Variants in FOXK1 observed in about 807,000 individuals in gnomAD.
FOXK1 encodes the protein forkhead box K1.
In FOXK1, 19 loss-of-function variants were observed where a neutral mutation model predicts 51.9. That is an observed-to-expected ratio of 0.37 (90% CI 0.26 to 0.54). The LOEUF is 0.54. Ranked by LOEUF, FOXK1 falls within the 20% of genes least tolerant of loss-of-function variation. The pLI, the probability that FOXK1 is intolerant of heterozygous loss-of-function variation, is 0.87. For missense variants in FOXK1, 870 were observed against 1,032.7 expected (o/e 0.84, Z 2.16); for synonymous variants, 537 against 482.6 (o/e 1.11, Z -1.48).
intron 1 of FOXK1, among the ~76,000 whole-genome samples, chr7:4,725,491 G>A (rs894478780): frequency 1.7e-4 from 26 of 152,368 alleles, no homozygotes; most frequent in Non-Finnish European, 2.9e-5. Flanking sequence ...GCAGAGGCCC[G>A]GGGCCAGATG....
At chr7:4,691,320 T>C (rs1779888037) in intron 1 of FOXK1, among the ~76,000 whole-genome samples, 1 of 152,208 alleles carries the variant, frequency 6.6e-6, no homozygotes, top group Non-Finnish European at 1.5e-5. Flanking sequence ...CTAAGAATAC[T>C]TTTCAGGAAG....
chr7:4,727,464 C>T (rs1194545815), intron 1 of FOXK1, among the ~76,000 whole-genome samples: 2 of 152,106 alleles, frequency 1.3e-5, no homozygotes, highest in African/African-American at 4.8e-5. Context: ...TACAGGCATG[C>T]AGCACCACGC....
rs1027110449 is a variant in FOXK1 at position 4,755,992 on chromosome 7, CAT to C, written c.1050+610_1050+611del. ...CATATACTGTTATTCAAACAATCCA[CAT>C]GTCTGAATTGTGGATGGCATTTTAA... On this transcript the variant is annotated intron_variant, in intron 4 of 8. Coordinates refer to ENST00000328914, the MANE Select transcript of FOXK1 (RefSeq NM_001037165.2). The surrounding 1 kb of genome is among the most constrained non-coding windows in gnomAD (Gnocchi z 6.6). 1.2e-4 allele frequency among the ~76,000 whole-genome samples: 19 copies of C among 152,336 alleles called. No homozygotes were observed. Among genetic ancestry groups the C allele is most frequent in the African/African-American group, 4.3e-4 (18 of 41,572 alleles).
At chr7:4,739,483 G>C (rs138067076) in intron 1 of FOXK1, among the ~76,000 whole-genome samples, 364 of 152,290 alleles carry the variant, frequency 2.4e-3, no homozygotes, top group Middle Eastern at 6.8e-3. Flanking sequence ...CATCAGTTTA[G>C]AAATTGAAAG....
intron 1 of FOXK1, among the ~76,000 whole-genome samples, chr7:4,690,132 G>A (rs762099011): frequency 3.9e-5 from 6 of 152,222 alleles, no homozygotes; most frequent in African/African-American, 7.2e-5. Context: ...CATCAGGTCC[G>A]ACTCCTGAGA....
At chr7:4,718,602 G>A (rs1780268333) in intron 1 of FOXK1, among the ~76,000 whole-genome samples, 1 of 152,182 alleles carries the variant, frequency 6.6e-6, no homozygotes, top group Admixed American at 6.5e-5. Context: ...TCCCTCGTCA[G>A]GGTGAGTACC....
intron 1 of FOXK1, among the ~76,000 whole-genome samples, chr7:4,710,266 G>C (rs899221940): frequency 1.3e-5 from 2 of 152,186 alleles, no homozygotes; most frequent in African/African-American, 4.8e-5. Flanking sequence ...TACAGGATAG[G>C]CCAGTGTACT....
At position 4,735,250 on chromosome 7, in the gene FOXK1, C is replaced by G. The variant is rs891971349; in HGVS notation, c.561-5588C>G. 6.6e-6 allele frequency among the ~76,000 whole-genome samples: 1 copy of G among 152,116 alleles called. No homozygotes were observed. The highest frequency in any genetic ancestry group is 1.5e-5 in the Non-Finnish European group (1 of 68,026). On this transcript the variant is annotated intron_variant, in intron 1 of 8. Coordinates refer to ENST00000328914, the MANE Select transcript of FOXK1 (RefSeq NM_001037165.2). This position sits in a 1 kb window ranked among gnomAD's most constrained non-coding sequence, Gnocchi z 4.7. ...CCAAGTCACCAGTTTGGCCCAACTT[C>G]CAGGAGCCATCAGCTTCTGGGTGGA...
rs1432124808 is a variant in FOXK1, at chr7:4,722,376, C to G, written c.561-18462C>G. On this transcript the variant is annotated intron_variant, in intron 1 of 8. Transcript: ENST00000328914. This position sits in a 1 kb window ranked among gnomAD's most constrained non-coding sequence, Gnocchi z 5.1. ...TATGTACTTTGGTCGTTCGTATTTC[C>G]TAGGCTTAAAACCCATTCTCCTGTG... Among the ~76,000 whole-genome samples the G allele has an allele frequency of 1.3e-5, 2 of 152,236 alleles. No homozygotes were observed. Among genetic ancestry groups the G allele is most frequent in the African/African-American group, 4.8e-5 (2 of 41,472 alleles).
At chr7:4,699,613 C>T (rs1779996558) in intron 1 of FOXK1, among the ~76,000 whole-genome samples, 1 of 152,072 alleles carries the variant, frequency 6.6e-6, no homozygotes, top group Non-Finnish European at 1.5e-5. Flanking sequence ...AGTGATCCAC[C>T]CACCTCAGGC....
At chr7:4,691,033 C>A (rs1347425163) in intron 1 of FOXK1, among the ~76,000 whole-genome samples, 2 of 152,154 alleles carry the variant, frequency 1.3e-5, no homozygotes, top group Non-Finnish European at 2.9e-5. Flanking sequence ...GCGACTATTA[C>A]TTTTCACGAG....
intron 1 of FOXK1, among the ~76,000 whole-genome samples, chr7:4,695,956 T>C (rs1779946137): frequency 6.8e-6 from 1 of 146,836 alleles, no homozygotes; most frequent in South Asian, 2.2e-4. Flanking sequence ...AAAAAAAAAT[T>C]CCCACAAAAA....
intron 1 of FOXK1, among the ~76,000 whole-genome samples, chr7:4,726,524 A>T (rs559404978): frequency 4.4e-4 from 67 of 152,246 alleles, no homozygotes; most frequent in Non-Finnish European, 6.9e-4. Context: ...CAGGAGGCTG[A>T]GGCAGGAGAA....
chr7:4,702,782 C>A (rs1429863868), intron 1 of FOXK1, among the ~76,000 whole-genome samples: 1 of 152,220 alleles, frequency 6.6e-6, no homozygotes, highest in Non-Finnish European at 1.5e-5. Context: ...ACATGCGTAA[C>A]CCTAGTGGGT....
chr7:4,762,410 A>G lies in FOXK1; in HGVS notation c.2148A>G (p.Thr716=), dbSNP rs1385661491. The G allele has an allele frequency of 6.5e-7, 1 of 1,549,902 alleles. No individual in the cohort carries two copies. Among genetic ancestry groups the G allele is most frequent in the Non-Finnish European group, 8.7e-7 (1 of 1,147,578 alleles). The change falls in exon 9 of 9, where the codon ACA becomes ACG. Residue 716 remains threonine, a synonymous_variant. Transcript: ENST00000328914. The surrounding 1 kb of genome is among the most constrained non-coding windows in gnomAD (Gnocchi z 5.7). ...AGGAGCCCAGTGGTGCTGTAACCAC[A>G]CCGGCTGGAGTGATCGCAGCTGCCG... ...RVEEPSGAVT[T]PAGVIAAAGP... is the part of the protein sequence containing the mutation.
At position 4,757,176 on chromosome 7, in the gene FOXK1, T is replaced by G. The variant is rs573469385; in HGVS notation, c.1233T>G (p.Pro411=). Residue 411 remains proline (P), a synonymous_variant, in exon 5 of 9, where the codon CCT becomes CCG. Transcript: ENST00000328914. The part of the protein sequence containing the change: ...GVSCFRTPFG[P]LSSRSAPASP... ...CCTGCTTCCGCACCCCCTTCGGGCC[T>G]CTGTCCTCAAGGTAAAGTTCTCTGA... 9 of 1,606,082 alleles carry G rather than the reference T, an allele frequency of 5.6e-6. No homozygotes were observed. In the African/African-American group the frequency reaches 1.1e-4, roughly 19 times the overall value.
intron 1 of FOXK1, among the ~76,000 whole-genome samples, chr7:4,687,091 C>T (rs1361460857): frequency 6.6e-6 from 1 of 151,896 alleles, no homozygotes; most frequent in African/African-American, 2.4e-5. Context: ...TGCCAGCATG[C>T]CCAGCTAATT....
chr7:4,733,580 G>C lies in FOXK1; in HGVS notation c.561-7258G>C, dbSNP rs1583200740. ...GGTTGCAAGAGGGGCAGAGAAACAT[G>C]GTCTTCAGTTGGGTGGACGTTTCTC... On this transcript the variant is annotated intron_variant, in intron 1 of 8. Coordinates refer to ENST00000328914, the MANE Select transcript of FOXK1 (RefSeq NM_001037165.2). This position sits in a 1 kb window ranked among gnomAD's most constrained non-coding sequence, Gnocchi z 5.0. Among the ~76,000 whole-genome samples, 1 of 152,320 alleles carries C rather than the reference G, an allele frequency of 6.6e-6. No individual in the cohort carries two copies. Among genetic ancestry groups the C allele is most frequent in the East Asian group, 1.9e-4 (1 of 5,180 alleles).
At chr7:4,685,874 T>A (rs1481081893) in intron 1 of FOXK1, among the ~76,000 whole-genome samples, 4 of 149,942 alleles carry the variant, frequency 2.7e-5, no homozygotes, top group Non-Finnish European at 4.4e-5. Flanking sequence ...ACCCGGGAGG[T>A]GGAGGTTGCA....
Sources: allele counts gnomAD v4.1 joint callset (sites outside exome capture counted in the v4.1 genomes callset), GRCh38; gene constraint gnomAD v4.1.1; non-coding constraint Gnocchi (gnomAD v3.1); transcripts MANE v1.5; gene names NCBI Gene and HGNC (gene_info 2026-07-23, HGNC 2026-07-21).